The following SLC16A7 variants were observed in gnomAD, a reference collection of about 807,000 sequenced individuals.
SLC16A7 encodes monocarboxylate transporter 2.
Under a neutral mutation model 34.9 loss-of-function variants are expected in SLC16A7, and 33 were observed. The ratio of observed to expected loss-of-function variants is 0.94; its 90% confidence interval spans 0.72 to 1.26. SLC16A7 has a LOEUF of 1.26. SLC16A7 is among the 50% of genes most tolerant of loss of function. The pLI, the probability that SLC16A7 is intolerant of heterozygous loss-of-function variation, is 0.00. For missense variants in SLC16A7, 573 were observed against 578.1 expected, an observed-to-expected ratio of 0.99 and a Z score of 0.09; for synonymous variants, 201 against 206.6, an observed-to-expected ratio of 0.97 and a Z score of 0.23.
chr12:59,765,785 C>G (rs959967901), intron 3 of SLC16A7, among the ~76,000 whole-genome samples: 23 of 152,092 alleles, frequency 1.5e-4, no homozygotes, highest in Non-Finnish European at 2.9e-4. Context: ...CAGCTGTGTT[C>G]TTTTGACTTA....
At chr12:59,651,580 G>T (rs1187322207) in intron 1 of SLC16A7, among the ~76,000 whole-genome samples, 2 of 152,232 alleles carry the variant, frequency 1.3e-5, no homozygotes, top group East Asian at 3.9e-4. Context: ...ACCTTTGCTG[G>T]TTATGTAAAC....
chr12:59,729,158 T>C (rs1274172155), intron 3 of SLC16A7, among the ~76,000 whole-genome samples: 1 of 152,268 alleles, frequency 6.6e-6, no homozygotes, highest in Non-Finnish European at 1.5e-5. Context: ...ATAATTGAGT[T>C]AATAAGTATG....
intron 1 of SLC16A7, among the ~76,000 whole-genome samples, chr12:59,607,975 A>T (rs2136963217): frequency 6.6e-6 from 1 of 152,358 alleles, no homozygotes; most frequent in East Asian, 1.9e-4. Context: ...TCAGAAGTTT[A>T]TAAAAGTGAA....
chr12:59,748,818 T>G (rs1444701253), intron 3 of SLC16A7, among the ~76,000 whole-genome samples: 1 of 152,222 alleles, frequency 6.6e-6, no homozygotes, highest in East Asian at 1.9e-4. Context: ...GACTTACCTA[T>G]AGATATGCAC....
intron 3 of SLC16A7, among the ~76,000 whole-genome samples, chr12:59,706,242 C>A (rs897346100): frequency 3.3e-5 from 5 of 152,134 alleles, no homozygotes; most frequent in African/African-American, 9.6e-5. Context: ...TCTACTTCAG[C>A]TCAGTGGCTT....
intron 1 of SLC16A7, among the ~76,000 whole-genome samples, chr12:59,638,059 T>C (rs1201599776): frequency 1.3e-5 from 2 of 152,130 alleles, no homozygotes; most frequent in Admixed American, 6.6e-5. Flanking sequence ...TTTTCTGTTA[T>C]AGCAGTACAA....
intron 3 of SLC16A7, among the ~76,000 whole-genome samples, chr12:59,705,490 AT>A (rs1276347719): frequency 6.6e-6 from 1 of 152,176 alleles, no homozygotes; most frequent in Admixed American, 6.6e-5. Context: ...ACCCATTCAA[AT>A]TTGTGTGACT....
intron 3 of SLC16A7, among the ~76,000 whole-genome samples, chr12:59,725,598 A>G (rs1322304393): frequency 1.3e-5 from 2 of 152,082 alleles, no homozygotes; most frequent in Non-Finnish European, 2.9e-5. Context: ...GCTTAATAAC[A>G]CTCTAAGATA....
At chr12:59,763,855 G>T (rs372309134) in intron 3 of SLC16A7, 1 of 151,958 alleles carries the variant, frequency 6.6e-6, no homozygotes, top group South Asian at 2.1e-4. Context: ...TTGTTTTTGG[G>T]TGCCATGAAC....
chr12:59,773,785 G>A (rs1338700724), intron 4 of SLC16A7, among the ~76,000 whole-genome samples: 4 of 152,024 alleles, frequency 2.6e-5, no homozygotes, highest in Non-Finnish European at 5.9e-5. Flanking sequence ...GGATGGTCTC[G>A]ATCTCCTGAC....
intron 2 of SLC16A7, among the ~76,000 whole-genome samples, chr12:59,672,294 G>A (rs1565641788): frequency 8.3e-6 from 1 of 121,130 alleles, no homozygotes; most frequent in African/African-American, 2.8e-5. Context: ...ATATATATGT[G>A]TATATATATA....
intron 2 of SLC16A7, among the ~76,000 whole-genome samples, chr12:59,677,315 A>G (rs527746066): frequency 8.6e-4 from 131 of 152,326 alleles, no homozygotes; most frequent in African/African-American, 2.7e-3. Flanking sequence ...ACATTAAAAT[A>G]TTAAAGAGAT....
At chr12:59,706,424 A>G (rs955946240) in intron 3 of SLC16A7, among the ~76,000 whole-genome samples, 2 of 151,790 alleles carry the variant, frequency 1.3e-5, no homozygotes, top group Non-Finnish European at 2.9e-5. Context: ...TATACTTTTT[A>G]TATATAGTGA....
chr12:59,704,069 G>A (rs1216131585), intron 2 of SLC16A7, among the ~76,000 whole-genome samples: 4 of 151,038 alleles, frequency 2.6e-5, no homozygotes, highest in Non-Finnish European at 5.9e-5. Context: ...GGGCATGGTG[G>A]CGCCTGCCTG....
chr12:59,715,071 C>T (rs1328154466), intron 3 of SLC16A7, among the ~76,000 whole-genome samples: 1 of 152,132 alleles, frequency 6.6e-6, no homozygotes, highest in Non-Finnish European at 1.5e-5. Context: ...TACTCTCCTC[C>T]CTTTTAATCA....
chr12:59,672,908 T>G (rs920385997), intron 2 of SLC16A7, among the ~76,000 whole-genome samples: 1 of 152,180 alleles, frequency 6.6e-6, no homozygotes, highest in African/African-American at 2.4e-5. Context: ...CTGTGCCATC[T>G]CTCTTTCAAG....
chr12:59,622,990 T>C (rs1436523006), intron 1 of SLC16A7, among the ~76,000 whole-genome samples: 1 of 151,352 alleles, frequency 6.6e-6, no homozygotes, highest in Admixed American at 6.6e-5. Context: ...TGTCATATTT[T>C]CCCCTGTGGA....
chr12:59,727,001 A>G (rs922929828), intron 3 of SLC16A7, among the ~76,000 whole-genome samples: 12 of 151,998 alleles, frequency 7.9e-5, no homozygotes, highest in African/African-American at 2.7e-4. Context: ...TCATTTACTT[A>G]TCTAAAGAAG....
intron 2 of SLC16A7, among the ~76,000 whole-genome samples, chr12:59,701,724 C>A (rs1444147905): frequency 6.6e-6 from 1 of 151,360 alleles, no homozygotes; most frequent in Non-Finnish European, 1.5e-5. Flanking sequence ...AATGGAAATC[C>A]CATATTTATA....
Sources: gnomAD v4.1 joint callset for allele counts (sites outside exome capture counted in the v4.1 genomes callset) on GRCh38, gnomAD v4.1.1 for gene constraint, MANE v1.5 for transcripts, NCBI Gene and HGNC (gene_info 2026-07-23, HGNC 2026-07-21) for gene names.